The following SRGAP3 variants were observed in gnomAD, a reference collection of about 807,000 sequenced individuals.
The protein encoded by SRGAP3 is SLIT-ROBO Rho GTPase activating protein 3.
A neutral mutation model predicts 121.1 loss-of-function variants in SRGAP3; 39 were observed. That is an observed-to-expected ratio of 0.32 (90% confidence interval 0.25 to 0.42). SRGAP3 has a LOEUF of 0.42. Among genes scored for constraint, SRGAP3 ranks in the 10% least tolerant of loss-of-function variants. The probability of loss-of-function intolerance (pLI) is 1.00; values close to 1 mark genes in which losing one functional copy is unlikely to be tolerated. For synonymous variants in SRGAP3, 601 were observed against 570.0 expected (o/e 1.05, Z -0.77); for missense variants, 1,213 against 1,470.6 (o/e 0.82, Z 2.86).
intron 1 of SRGAP3, among the ~76,000 whole-genome samples, chr3:9,334,549 A>G (rs1396393344): frequency 2.0e-5 from 3 of 152,238 alleles, no homozygotes; most frequent in African/African-American, 7.2e-5. Context: ...TAACATGAGT[A>G]ATCATCTCTC....
chr3:9,038,440 A>C (rs1944870524), intron 10 of SRGAP3, among the ~76,000 whole-genome samples: 1 of 152,358 alleles, frequency 6.6e-6, no homozygotes, highest in East Asian at 1.9e-4. Context: ...AATCTCTGAG[A>C]TAAAAACCCA....
chr3:9,010,538 C>T (rs753650554), intron 17 of SRGAP3, 151 bp from the exon 18 acceptor site: 52 of 815,252 alleles, frequency 6.4e-5, no homozygotes, highest in Admixed American at 1.6e-4. Flanking sequence ...GTGACCACTC[C>T]GGGGACCTTC....
intron 1 of SRGAP3, among the ~76,000 whole-genome samples, chr3:9,176,155 C>T (rs1380029536): frequency 1.3e-5 from 2 of 152,150 alleles, no homozygotes; most frequent in Non-Finnish European, 2.9e-5. Context: ...CTCCAGACCT[C>T]ATAATCCACC....
chr3:9,226,509 G>T (rs909299902), intron 1 of SRGAP3, among the ~76,000 whole-genome samples: 4 of 152,124 alleles, frequency 2.6e-5, no homozygotes, highest in Admixed American at 2.6e-4. Flanking sequence ...CTAATTGTTA[G>T]AAAGGTCTTC....
Position 9,322,881 on chromosome 3 carries a change from C to T in SRGAP3, n.442+3129G>A, listed in dbSNP as rs1350615684. On this transcript the variant is annotated intron_variant and non_coding_transcript_variant, in intron 3 of 3. Coordinates refer to the SRGAP3 transcript ENST00000490889. ...ATTTAAGTTCACACAAACACCTGTA[C>T]GTGAATGTTTCTAGCAGCTCTATTC... Among the ~76,000 whole-genome samples, 9 of 151,830 alleles carry T rather than the reference C, an allele frequency of 5.9e-5. No individual in the cohort carries two copies. The South Asian group carries it at 1.5e-3, about 25-fold the overall frequency.
Position 9,255,289 on chromosome 3 carries a change from A to G in SRGAP3, n.442+70721T>C, listed in dbSNP as rs57494562. Among the ~76,000 whole-genome samples, 665 of 152,350 alleles carry G rather than the reference A, an allele frequency of 4.4e-3. 5 individuals carry two copies. Among genetic ancestry groups the G allele is most frequent in the East Asian group, 0.035 (181 of 5,176 alleles). On this transcript the variant is annotated intron_variant and non_coding_transcript_variant, in intron 3 of 3. Transcript: ENST00000490889. ...TCACAGAAAGGGAAATACACATGAA[A>G]TGTTAGCCCACCTCACTCATAATGA...
At chr3:9,152,571 T>C (rs1575152509) in intron 1 of SRGAP3, among the ~76,000 whole-genome samples, 1 of 151,600 alleles carries the variant, frequency 6.6e-6, no homozygotes, top group Non-Finnish European at 1.5e-5. Context: ...GGCTGGAGAG[T>C]GGAGCAGACA....
intron 3 of SRGAP3, among the ~76,000 whole-genome samples, chr3:9,312,589 G>A (rs916384990): frequency 6.6e-6 from 1 of 152,230 alleles, no homozygotes. Context: ...AAGCAGTCAT[G>A]AACGACACAA....
intron 1 of SRGAP3, among the ~76,000 whole-genome samples, chr3:9,219,685 C>G (rs1408237798): frequency 1.3e-5 from 2 of 152,078 alleles, no homozygotes; most frequent in Non-Finnish European, 2.9e-5. Flanking sequence ...CCCGTCTCTA[C>G]TAAAAACACA....
chr3:9,170,716 C>T (rs1145145), intron 1 of SRGAP3, among the ~76,000 whole-genome samples: 32,747 of 152,222 alleles, frequency 0.22, 3,867 homozygotes, highest in Admixed American at 0.29. Context: ...TATGGAGCTA[C>T]TTCACAAGCG....
intron 3 of SRGAP3, among the ~76,000 whole-genome samples, chr3:9,314,628 TCCAGCCTGCCCTCCTCTCC>T (rs1343195959): frequency 1.4e-5 from 2 of 144,670 alleles, no homozygotes; most frequent in Non-Finnish European, 3.0e-5. Context: ...ACAATATGTG[TCCAGCCTGCCCTCCTCTCC>T]CCACCCTGCC....
chr3:9,063,564 C>A (rs1410298642), intron 5 of SRGAP3, among the ~76,000 whole-genome samples: 1 of 151,956 alleles, frequency 6.6e-6, no homozygotes, highest in African/African-American at 2.4e-5. Context: ...GTCTCGAACT[C>A]CTGGGCTCAA....
intron 3 of SRGAP3, among the ~76,000 whole-genome samples, chr3:9,084,726 C>T (rs899990755): frequency 1.3e-5 from 2 of 152,192 alleles, no homozygotes; most frequent in Non-Finnish European, 2.9e-5. Context: ...TAAGAGGCAC[C>T]TCTTACCAAA....
At chr3:9,001,782 A>C (rs1942784826) in intron 18 of SRGAP3, among the ~76,000 whole-genome samples, 1 of 152,220 alleles carries the variant, frequency 6.6e-6, no homozygotes, top group Non-Finnish European at 1.5e-5. Context: ...ATATCGATAA[A>C]ATAGACTTTA....
In SRGAP3 at chr3:8,992,915, A is replaced by AC. The variant is rs759698239; in HGVS notation, c.2548dup (p.Val850GlyfsTer10). The AC allele has an allele frequency of 1.9e-6, 3 of 1,612,120 alleles. No individual in the cohort carries two copies. Among genetic ancestry groups the AC allele is most frequent in the East Asian group, 2.2e-5 (1 of 44,810 alleles). On this transcript the variant is annotated frameshift_variant, in exon 20 of 22. Transcript: ENST00000383836. LOFTEE classifies it high-confidence loss of function. ...AATCCGCATATCCTACCGGCCCATC[A>AC]CCCCCCCAAAGCCGTAATCCGAGAT...
In SRGAP3 at chr3:9,002,949, C is replaced by T. The variant is rs150721437; in HGVS notation, c.2227+7359G>A. On this transcript the variant is annotated intron_variant, in intron 18 of 21. Transcript: ENST00000383836. ...GATTGAATCAATCATCAAAAAACTA[C>T]CCACAAATAAATGCCCAGGCCCAGA... Among the ~76,000 whole-genome samples, 1,181 of 152,108 alleles carry T rather than the reference C, an allele frequency of 7.8e-3. 17 individuals are homozygous for T. The highest frequency in any genetic ancestry group is 0.027 in the African/African-American group (1,127 of 41,512).
chr3:9,181,461 T>G (rs1951397635), intron 1 of SRGAP3, among the ~76,000 whole-genome samples: 1 of 152,212 alleles, frequency 6.6e-6, no homozygotes, highest in Non-Finnish European at 1.5e-5. Context: ...TAGAGTCTTA[T>G]CAGGCTGAGC....
At chr3:9,099,727 T>TATG (rs1948134602) in intron 3 of SRGAP3, among the ~76,000 whole-genome samples, 1 of 152,220 alleles carries the variant, frequency 6.6e-6, no homozygotes, top group Non-Finnish European at 1.5e-5. Context: ...ATGCAGGTTC[T>TATG]CAGGCCCCAC....
intron 3 of SRGAP3, among the ~76,000 whole-genome samples, chr3:9,094,790 C>T (rs1947902654): frequency 6.6e-6 from 1 of 152,174 alleles, no homozygotes; most frequent in East Asian, 1.9e-4. Flanking sequence ...GGGTCTTGCT[C>T]GGTTGCCCAG....
Sources: gnomAD v4.1 joint callset for allele counts (sites outside exome capture counted in the v4.1 genomes callset) on GRCh38, gnomAD v4.1.1 for gene constraint, MANE v1.5 for transcripts, NCBI Gene and HGNC (gene_info 2026-07-23, HGNC 2026-07-21) for gene names.